ANO2: variants seen among roughly 807,000 people sequenced by gnomAD.
ANO2 encodes the protein anoctamin-2.
Under a neutral mutation model 124.2 loss-of-function variants are expected in ANO2, and 101 were observed. That is an observed-to-expected ratio of 0.81 (90% confidence interval 0.69 to 0.96). ANO2 has a LOEUF of 0.96. Among genes scored for constraint, ANO2 ranks in the 40% least tolerant of loss-of-function variants. The pLI, the probability that ANO2 is intolerant of heterozygous loss-of-function variation, is 0.00. For missense variants in ANO2, 1,293 were observed against 1,274.5 expected (o/e 1.01, Z -0.22); for synonymous variants, 486 against 482.5 (o/e 1.01, Z -0.09).
chr12:5,691,206 T>C (rs546416977), intron 14 of ANO2, among the ~76,000 whole-genome samples: 17 of 151,546 alleles, frequency 1.1e-4, no homozygotes, highest in Middle Eastern at 3.4e-3. Context: ...CACATGCTTG[T>C]AATCCCAGCT....
intron 3 of ANO2, among the ~76,000 whole-genome samples, chr12:5,907,912 T>C (rs961314899): frequency 6.6e-6 from 1 of 152,258 alleles, no homozygotes; most frequent in Non-Finnish European, 1.5e-5. Context: ...ATACCACTGA[T>C]GCTCTCAGCC....
chr12:5,905,852 A>C (rs1468225899), intron 3 of ANO2, among the ~76,000 whole-genome samples: 1 of 152,150 alleles, frequency 6.6e-6, no homozygotes, highest in Non-Finnish European at 1.5e-5. Context: ...CAAATCCCCA[A>C]AACACTGGAC....
chr12:5,761,456 AG>A (rs909209977), intron 10 of ANO2, among the ~76,000 whole-genome samples: 2 of 152,202 alleles, frequency 1.3e-5, no homozygotes, highest in African/African-American at 4.8e-5. Context: ...CCATCTAAGC[AG>A]GTAACCTTAA....
intron 20 of ANO2, among the ~76,000 whole-genome samples, chr12:5,580,001 C>T (rs1489515333): frequency 6.6e-6 from 1 of 152,162 alleles, no homozygotes; most frequent in East Asian, 1.9e-4. Context: ...TTGACTTGCT[C>T]ACACATCTTT....
rs769233593 is a variant in ANO2, at chr12:5,916,491, T to TAAAAAAAAAAAAAAAAAAA, written c.534+4548_534+4549insTTTTTTTTTTTTTTTTTTT. Among the ~76,000 whole-genome samples, 10 of 98,124 alleles carry TAAAAAAAAAAAAAAAAAAA rather than the reference T, an allele frequency of 1.0e-4. 1 individual carries two copies. Among genetic ancestry groups the TAAAAAAAAAAAAAAAAAAA allele is most frequent in the Non-Finnish European group, 1.6e-4 (8 of 49,594 alleles). The allele number at this position is 98,124 out of a possible 152,430, so 64.4% of individuals were successfully genotyped here. On this transcript the variant is annotated intron_variant, in intron 3 of 24. Transcript: ENST00000682330. ...CTCTGAATAGAAAAATCGCAGCAGG[T>TAAAAAAAAAAAAAAAAAAA]TAAAAAAAAAAAAAAAAAAAAAGGC...
chr12:5,768,220 A>G (rs1185598188), intron 10 of ANO2, among the ~76,000 whole-genome samples: 1 of 152,084 alleles, frequency 6.6e-6, no homozygotes, highest in African/African-American at 2.4e-5. Context: ...TCACAGCCGC[A>G]TGGTTTCACC....
At chr12:5,812,702 G>GAAGA in intron 7 of ANO2, among the ~76,000 whole-genome samples, 1 of 23,606 alleles carries the variant, frequency 4.2e-5, no homozygotes, top group Non-Finnish European at 8.7e-5. Context: ...GAAAGAGAAA[G>GAAGA]AAAAGAAGAA....
chr12:5,569,707 G>A (rs953322818), intron 23 of ANO2, among the ~76,000 whole-genome samples: 3 of 152,118 alleles, frequency 2.0e-5, no homozygotes, highest in Non-Finnish European at 4.4e-5. Flanking sequence ...AGCCAGGAGT[G>A]AATAATAGAT....
chr12:5,565,866 C>A (rs1476315317), intron 23 of ANO2, among the ~76,000 whole-genome samples: 1 of 152,178 alleles, frequency 6.6e-6, no homozygotes, highest in African/African-American at 2.4e-5. Flanking sequence ...AAGCCAATGT[C>A]AGCCTAGAAA....
intron 10 of ANO2, among the ~76,000 whole-genome samples, chr12:5,774,962 T>A (rs1396523115): frequency 6.6e-6 from 1 of 152,202 alleles, no homozygotes; most frequent in Non-Finnish European, 1.5e-5. Flanking sequence ...AAAAGAACAT[T>A]TATTGAGCAC....
chr12:5,749,377 AG>A (rs1310162547), intron 11 of ANO2, among the ~76,000 whole-genome samples: 22 of 152,236 alleles, frequency 1.4e-4, no homozygotes, highest in Non-Finnish European at 2.2e-4. Flanking sequence ...ACAGAGTCAT[AG>A]TACTTTTTCA....
chr12:5,938,961 G>A (rs1232052214), intron 1 of ANO2, among the ~76,000 whole-genome samples: 1 of 151,796 alleles, frequency 6.6e-6, no homozygotes, highest in East Asian at 1.9e-4. Context: ...GCTCAGGCCT[G>A]TAATCCTAGC....
At chr12:5,701,738 A>G (rs1390017031) in intron 14 of ANO2, among the ~76,000 whole-genome samples, 1 of 152,204 alleles carries the variant, frequency 6.6e-6, no homozygotes, top group Non-Finnish European at 1.5e-5. Flanking sequence ...TTGAAGTCAC[A>G]TGTACCTAAA....
chr12:5,805,275 G>C (rs904444324), intron 9 of ANO2, among the ~76,000 whole-genome samples: 1 of 152,186 alleles, frequency 6.6e-6, no homozygotes, highest in East Asian at 1.9e-4. Flanking sequence ...ACAACAGAGT[G>C]GGGGAGGGAA....
In ANO2 at chr12:5,915,134, C is replaced by G. The variant is rs568494385; in HGVS notation, c.534+5906G>C. ...ATGCACAGCACCAACAGGTGGCCCT[C>G]ATTTATATGAATTGGTAGGGTGCAG... is the stretch of plus-strand genomic sequence containing the variant. On this transcript the variant is annotated intron_variant, in intron 3 of 24. Transcript: ENST00000682330. Among the ~76,000 whole-genome samples, 86 of 152,316 alleles carry G rather than the reference C, an allele frequency of 5.6e-4. 3 individuals are homozygous for G. The South Asian group carries it at 0.017, about 31-fold the overall frequency.
intron 7 of ANO2, among the ~76,000 whole-genome samples, chr12:5,809,379 G>A (rs1388098825): frequency 1.3e-5 from 2 of 152,060 alleles, no homozygotes; most frequent in Admixed American, 1.3e-4. Flanking sequence ...CATCACAGGC[G>A]GGTAAGGCCC....
intron 1 of ANO2, among the ~76,000 whole-genome samples, chr12:5,930,498 C>A (rs1297231419): frequency 6.6e-6 from 1 of 152,152 alleles, no homozygotes; most frequent in Admixed American, 6.5e-5. Context: ...TCATATATGA[C>A]AATTTGGTCT....
At chr12:5,874,051 A>G (rs1937924124) in intron 3 of ANO2, among the ~76,000 whole-genome samples, 1 of 152,240 alleles carries the variant, frequency 6.6e-6, no homozygotes, top group Admixed American at 6.5e-5. Context: ...AGTCCTCAGT[A>G]TGAACAAGGA....
chr12:5,683,239 G>A (rs1948576537), intron 14 of ANO2, among the ~76,000 whole-genome samples: 1 of 152,070 alleles, frequency 6.6e-6, no homozygotes, highest in Non-Finnish European at 1.5e-5. Context: ...TAAGAGCTCA[G>A]GTAAGAGCCT....
Sources: allele counts gnomAD v4.1 joint callset (sites outside exome capture counted in the v4.1 genomes callset), GRCh38; gene constraint gnomAD v4.1.1; transcripts MANE v1.5; gene names NCBI Gene and HGNC (gene_info 2026-07-23, HGNC 2026-07-21).